Variants in CCBE1 observed in about 807,000 individuals in gnomAD.
CCBE1 encodes the protein collagen and calcium-binding EGF domain-containing protein 1.
CCBE1 carries 37 observed loss-of-function variants against 50.0 expected under a neutral mutation model. The observed-to-expected ratio is 0.74, with a 90% CI of 0.57 to 0.97. The LOEUF is 0.97. Among genes scored for constraint, CCBE1 ranks in the 50% least tolerant of loss-of-function variants. The pLI, the probability that CCBE1 is intolerant of heterozygous loss-of-function variation, is 0.00. For missense variants in CCBE1, 538 were observed against 523.8 expected, an observed-to-expected ratio of 1.03 and a Z score of -0.26; for synonymous variants, 234 against 203.7, an observed-to-expected ratio of 1.15 and a Z score of -1.27.
At chr18:59,570,109 G>A (rs976351518) in intron 2 of CCBE1, among the ~76,000 whole-genome samples, 3 of 152,224 alleles carry the variant, frequency 2.0e-5, no homozygotes, top group African/African-American at 7.2e-5. Context: ...TGTTTTAGAT[G>A]TGGTGAGAAA....
intron 2 of CCBE1, chr18:59,563,905 C>G (rs1269042863): frequency 6.6e-6 from 1 of 152,096 alleles, no homozygotes; most frequent in Non-Finnish European, 1.5e-5. Flanking sequence ...AATAAGTTAA[C>G]TGGAGGAGGG....
chr18:59,531,762 T>C (rs1357109037), intron 2 of CCBE1, among the ~76,000 whole-genome samples: 5 of 152,082 alleles, frequency 3.3e-5, no homozygotes, highest in African/African-American at 1.2e-4. Context: ...CATATACACA[T>C]ATGCTCCTGC....
chr18:59,473,869 C>A (rs1355368011), intron 3 of CCBE1, among the ~76,000 whole-genome samples: 1 of 151,438 alleles, frequency 6.6e-6, no homozygotes, highest in African/African-American at 2.4e-5. Flanking sequence ...CGACTACTCA[C>A]CTTCCAACCC....
At chr18:59,446,800 G>A (rs143345284) in intron 7 of CCBE1, among the ~76,000 whole-genome samples, 1 of 152,178 alleles carries the variant, frequency 6.6e-6, no homozygotes, top group South Asian at 2.1e-4. Flanking sequence ...CTTACCTGGA[G>A]GGCATGTGGG....
chr18:59,577,811 T>A (rs2053021495), intron 2 of CCBE1, among the ~76,000 whole-genome samples: 1 of 152,138 alleles, frequency 6.6e-6, no homozygotes, highest in African/African-American at 2.4e-5. Flanking sequence ...TAAAATAGCT[T>A]CAATAGAAGA....
At chr18:59,680,339 G>A (rs1291371498) in intron 2 of CCBE1, among the ~76,000 whole-genome samples, 2 of 152,140 alleles carry the variant, frequency 1.3e-5, no homozygotes, top group Non-Finnish European at 2.9e-5. Flanking sequence ...GCAGTTTCCA[G>A]TTTGACTTTT....
Position 59,666,951 on chromosome 18 carries a change from C to G in CCBE1, c.212+29678G>C, listed in dbSNP as rs150410333. On this transcript the variant is annotated intron_variant, in intron 2 of 10. Transcript: ENST00000439986. ...CTGCACTCCAGCCTGGGCAACAGAG[C>G]AAGACTCTGTCTCAAAAAATAAATA... Among the ~76,000 whole-genome samples the G allele has an allele frequency of 1.3e-3, 201 of 152,164 alleles. 1 individual carries two copies. Among genetic ancestry groups the G allele is most frequent in the African/African-American group, 4.7e-3 (196 of 41,512 alleles).
intron 2 of CCBE1, among the ~76,000 whole-genome samples, chr18:59,546,049 C>T (rs922457920): frequency 2.6e-5 from 4 of 152,168 alleles, no homozygotes; most frequent in African/African-American, 9.7e-5. Context: ...CAGTCATGAA[C>T]TTTTTCTCTT....
At chr18:59,460,347 C>A (rs1911401676) in intron 5 of CCBE1, among the ~76,000 whole-genome samples, 1 of 152,098 alleles carries the variant, frequency 6.6e-6, no homozygotes, top group Non-Finnish European at 1.5e-5. Context: ...AAAGGAAAAC[C>A]AAGGAGGAAG....
intron 2 of CCBE1, among the ~76,000 whole-genome samples, chr18:59,592,704 C>G (rs912259900): frequency 6.6e-6 from 1 of 152,090 alleles, no homozygotes; most frequent in Non-Finnish European, 1.5e-5. Flanking sequence ...GATTGGTGGA[C>G]AGGTGAAAAT....
intron 2 of CCBE1, among the ~76,000 whole-genome samples, chr18:59,537,937 T>C (rs1197039212): frequency 6.6e-6 from 1 of 152,224 alleles, no homozygotes; most frequent in Admixed American, 6.5e-5. Flanking sequence ...AGGGGTATTA[T>C]GGGGACTAAA....
chr18:59,497,794 G>A (rs540482377), intron 2 of CCBE1, among the ~76,000 whole-genome samples: 2 of 152,248 alleles, frequency 1.3e-5, no homozygotes, highest in Non-Finnish European at 2.9e-5. Context: ...GGGATGGTCC[G>A]ACTTTGTACC....
chr18:59,679,905 G>GA (rs2054562257), intron 2 of CCBE1, among the ~76,000 whole-genome samples: 2 of 152,144 alleles, frequency 1.3e-5, no homozygotes, highest in Non-Finnish European at 1.5e-5. Flanking sequence ...TTGTAGGTAG[G>GA]TAAGAGACAT....
chr18:59,599,946 T>A (rs578004868), intron 2 of CCBE1, among the ~76,000 whole-genome samples: 23 of 152,254 alleles, frequency 1.5e-4, no homozygotes, highest in African/African-American at 5.5e-4. Context: ...TTCCATTCCA[T>A]CCACCATTCA....
chr18:59,525,410 T>C (rs1183469144), intron 2 of CCBE1, among the ~76,000 whole-genome samples: 2 of 152,230 alleles, frequency 1.3e-5, no homozygotes, highest in African/African-American at 4.8e-5. Context: ...TGCCAACTTT[T>C]TAATTAGATT....
chr18:59,690,275 G>A (rs1268262147), intron 2 of CCBE1, among the ~76,000 whole-genome samples: 1 of 152,160 alleles, frequency 6.6e-6, no homozygotes, highest in Non-Finnish European at 1.5e-5. Flanking sequence ...TTTAAAATGA[G>A]TCAATAGCTT....
chr18:59,645,226 TCAACAA>T (rs10562482), intron 2 of CCBE1, among the ~76,000 whole-genome samples: 5 of 151,884 alleles, frequency 3.3e-5, no homozygotes, highest in African/African-American at 4.8e-5. Context: ...AGACTCCGTC[TCAACAA>T]CAACAACAAA....
At chr18:59,466,424 T>C (rs550795458) in intron 5 of CCBE1, among the ~76,000 whole-genome samples, 87 of 152,172 alleles carry the variant, frequency 5.7e-4, no homozygotes, top group African/African-American at 2.0e-3. Context: ...TCCCCAGCCA[T>C]ATGGAACTGT....
rs190822678 is a variant in CCBE1 at position 59,514,748 on chromosome 18, C to T, written c.213-34510G>A. On this transcript the variant is annotated intron_variant, in intron 2 of 10. Transcript: ENST00000439986. ...TGCCCCAGAGTACCCTTTGCCACGACACAGAATGCCTTTCCAATCACTAAA... is the reference window on the plus strand; with the variant it reads ...TGCCCCAGAGTACCCTTTGCCACGATACAGAATGCCTTTCCAATCACTAAA... Among the ~76,000 whole-genome samples the T allele has an allele frequency of 1.5e-3, 222 of 151,198 alleles. 1 individual carries two copies. The highest frequency in any genetic ancestry group is 4.9e-4 in the Non-Finnish European group (33 of 67,912).
Sources: gnomAD v4.1 joint callset for allele counts (sites outside exome capture counted in the v4.1 genomes callset) on GRCh38, gnomAD v4.1.1 for gene constraint, MANE v1.5 for transcripts, NCBI Gene and HGNC (gene_info 2026-07-23, HGNC 2026-07-21) for gene names.